The following ADCY8 variants were observed in gnomAD, a reference collection of about 807,000 sequenced individuals.
The protein encoded by ADCY8 is adenylate cyclase type 8.
In ADCY8, 51 loss-of-function variants were observed where a neutral mutation model predicts 119.7. That is an observed-to-expected ratio of 0.43 (90% CI 0.34 to 0.54). ADCY8 has a LOEUF of 0.54. ADCY8 is among the 20% of genes least tolerant of loss of function. ADCY8 has a pLI of 0.03. For missense variants in ADCY8, 1,383 were observed against 1,598.8 expected, an observed-to-expected ratio of 0.87 and a Z score of 2.30; for synonymous variants, 665 against 651.0, an observed-to-expected ratio of 1.02 and a Z score of -0.33.
chr8:130,978,798 C>A (rs150535151), intron 2 of ADCY8, among the ~76,000 whole-genome samples: 1 of 152,234 alleles, frequency 6.6e-6, no homozygotes, highest in African/African-American at 2.4e-5. Flanking sequence ...AATGCAGTAA[C>A]CTAATTAGAT....
chr8:130,847,522 T>TAAAAA lies in ADCY8; in HGVS notation c.2413-14_2413-10dup. 1.4e-6 allele frequency: 2 copies of TAAAAA among 1,438,558 alleles called. No homozygotes were observed. Among genetic ancestry groups the TAAAAA allele is most frequent in the South Asian group, 1.3e-5 (1 of 77,512 alleles). The allele number at this position is 1,438,558 out of a possible 1,614,324, so 89.1% of individuals were successfully genotyped here. A position where few individuals can be genotyped will look rare whatever the true frequency, so the allele number is the denominator to read the frequency against. On this transcript the variant is annotated splice_polypyrimidine_tract_variant and intron_variant, in intron 10 of 17. Transcript: ENST00000286355. ...TCAAAATCACACCACAGCTGCGGAT[T>TAAAAA]AAAAAAAAAAAAAAAAGAACAACAA...
chr8:130,990,784 A>C (rs1822553406), intron 1 of ADCY8: 1 of 358,928 alleles, frequency 2.8e-6, no homozygotes, highest in Admixed American at 4.4e-5. Context: ...TTTAGACTGG[A>C]GTCTTCATGG....
At chr8:130,887,398 G>A (rs1003695873) in intron 7 of ADCY8, among the ~76,000 whole-genome samples, 1 of 152,122 alleles carries the variant, frequency 6.6e-6, no homozygotes, top group Admixed American at 6.6e-5. Context: ...TAATAGTTGG[G>A]AAGGAGCTCC....
At chr8:130,813,956 T>G in intron 14 of ADCY8, 113 bp downstream of exon 14, 1 of 1,334,230 alleles carries the variant, frequency 7.5e-7, no homozygotes. Context: ...TTCTCCATTC[T>G]CATGCACTCA....
intron 15 of ADCY8, among the ~76,000 whole-genome samples, chr8:130,795,452 C>T (rs768120150): frequency 6.6e-5 from 10 of 152,226 alleles, no homozygotes; most frequent in Admixed American, 2.0e-4. Context: ...CTCGCGAAGC[C>T]GACCCTGAGT....
chr8:130,860,496 A>T (rs1005691961), intron 9 of ADCY8, among the ~76,000 whole-genome samples: 1 of 152,024 alleles, frequency 6.6e-6, no homozygotes, highest in Non-Finnish European at 1.5e-5. Context: ...CCAAAATTTT[A>T]TTTGTGTTTT....
intron 5 of ADCY8, among the ~76,000 whole-genome samples, chr8:130,924,044 C>A (rs954317770): frequency 6.6e-6 from 1 of 152,196 alleles, no homozygotes; most frequent in African/African-American, 2.4e-5. Context: ...GTATTGATGG[C>A]AAATTTCAGG....
At chr8:131,039,062 CG>C (rs1476006929) in intron 1 of ADCY8, among the ~76,000 whole-genome samples, 1 of 152,170 alleles carries the variant, frequency 6.6e-6, no homozygotes, top group African/African-American at 2.4e-5. Context: ...TCTCCTGCTC[CG>C]GAGACTGCAG....
intron 15 of ADCY8, among the ~76,000 whole-genome samples, chr8:130,798,828 GC>G (rs1456863019): frequency 6.6e-6 from 1 of 152,070 alleles, no homozygotes; most frequent in Non-Finnish European, 1.5e-5. Flanking sequence ...TTCACAACAG[GC>G]AAAATACAGA....
chr8:130,869,763 T>C (rs1292398794), intron 8 of ADCY8, among the ~76,000 whole-genome samples: 1 of 152,016 alleles, frequency 6.6e-6, no homozygotes, highest in Non-Finnish European at 1.5e-5. Flanking sequence ...GTGATCCACC[T>C]GCCTCGGCCT....
intron 9 of ADCY8, among the ~76,000 whole-genome samples, chr8:130,862,328 A>C (rs1044778434): frequency 1.3e-5 from 2 of 152,106 alleles, no homozygotes; most frequent in African/African-American, 4.8e-5. Context: ...ATATGCATTT[A>C]ATGTAAATTT....
intron 1 of ADCY8, among the ~76,000 whole-genome samples, chr8:131,022,205 T>C (rs1823692221): frequency 1.3e-5 from 2 of 152,188 alleles, no homozygotes; most frequent in South Asian, 4.1e-4. Flanking sequence ...ACACATGCCA[T>C]GGTGGTTTGC....
intron 2 of ADCY8, among the ~76,000 whole-genome samples, chr8:130,969,606 C>A (rs902170611): frequency 5.1e-4 from 77 of 152,158 alleles, no homozygotes; most frequent in African/African-American, 1.7e-3. Flanking sequence ...TGTTCCTGGC[C>A]ACAATGATTT....
intron 1 of ADCY8, among the ~76,000 whole-genome samples, chr8:131,008,494 A>G (rs1823195542): frequency 6.6e-6 from 1 of 152,106 alleles, no homozygotes. Flanking sequence ...TTACACTATA[A>G]TTGTAAGTTT....
In ADCY8 at chr8:131,006,172, C is replaced by A. The variant is rs971585812; in HGVS notation, c.961-15630G>T. Among the ~76,000 whole-genome samples, 9 of 152,294 alleles carry A rather than the reference C, an allele frequency of 5.9e-5. 1 individual carries two copies. In the South Asian group the frequency reaches 1.2e-3, roughly 21 times the overall value. On this transcript the variant is annotated intron_variant, in intron 1 of 17. Coordinates refer to ENST00000286355, the MANE Select transcript of ADCY8 (RefSeq NM_001115.3). ...GCTGTCCCCCTCTCACATTTCCTGC[C>A]AGCAAACTGTTATCATACTGCTCTA...
chr8:130,806,469 A>G (rs263234), intron 14 of ADCY8, among the ~76,000 whole-genome samples: 25,211 of 152,112 alleles, frequency 0.17, 2,662 homozygotes, highest in South Asian at 0.32. Context: ...GGAAGGGTTA[A>G]CTGATAAAGG....
intron 1 of ADCY8, among the ~76,000 whole-genome samples, chr8:131,010,698 C>T (rs59808230): frequency 0.024 from 3,702 of 152,310 alleles, 47 homozygotes; most frequent in East Asian, 0.056. Context: ...TCTATAGTGT[C>T]TCAAGCTGTG....
At chr8:130,866,255 C>T (rs1818117530) in intron 9 of ADCY8, among the ~76,000 whole-genome samples, 1 of 151,450 alleles carries the variant, frequency 6.6e-6, no homozygotes, top group Non-Finnish European at 1.5e-5. Flanking sequence ...CCCGGAATCC[C>T]CTCTCTCTTT....
chr8:130,927,202 T>TGTATTAATTTACACTGTA (rs1820497999), intron 5 of ADCY8, among the ~76,000 whole-genome samples: 1 of 152,200 alleles, frequency 6.6e-6, no homozygotes, highest in Non-Finnish European at 1.5e-5. Flanking sequence ...TTAATTTACA[T>TGTATTAATTTACACTGTA]TTCCACCGGC....
Sources: gnomAD v4.1 joint callset for allele counts (sites outside exome capture counted in the v4.1 genomes callset) on GRCh38, gnomAD v4.1.1 for gene constraint, MANE v1.5 for transcripts, NCBI Gene and HGNC (gene_info 2026-07-23, HGNC 2026-07-21) for gene names.